CIMIP5: variants seen among roughly 807,000 people sequenced by gnomAD.
CIMIP5 encodes the protein ciliary microtubule inner protein 5.
chr2:11,154,102 G>T, the CIMIP5 span, among the ~76,000 whole-genome samples: 41 of 152,038 alleles, frequency 2.7e-4, no homozygotes, highest in African/African-American at 9.9e-4. Context: ...TCAGCCTCCC[G>T]AGTAGCTGGG....
the CIMIP5 span, among the ~76,000 whole-genome samples, chr2:11,147,556 A>G: frequency 1.1e-4 from 16 of 152,072 alleles, no homozygotes; most frequent in African/African-American, 3.9e-4. Context: ...TTGCCTCCAC[A>G]CTTCAGGTTA....
At chr2:11,146,452 T>C in the CIMIP5 span, 3 of 152,250 alleles carry the variant, frequency 2.0e-5, no homozygotes, top group African/African-American at 7.2e-5. Context: ...AAAGAAAGTC[T>C]CTTGATTCTT....
the CIMIP5 span, among the ~76,000 whole-genome samples, chr2:11,141,290 G>A: frequency 1.3e-5 from 2 of 151,966 alleles, no homozygotes; most frequent in Admixed American, 6.6e-5. Context: ...CACCATGCCT[G>A]GCTAATATTT....
At chr2:11,134,744 T>A in the CIMIP5 span, among the ~76,000 whole-genome samples, 1 of 152,248 alleles carries the variant, frequency 6.6e-6, no homozygotes, top group Admixed American at 6.5e-5. Flanking sequence ...GACTATTATG[T>A]GTAGTGCTAC....
At chr2:11,136,707 A>C in the CIMIP5 span, among the ~76,000 whole-genome samples, 1 of 152,188 alleles carries the variant, frequency 6.6e-6, no homozygotes, top group East Asian at 1.9e-4. Context: ...AACTCCGTGA[A>C]TATATTAAAA....
chr2:11,152,444 GGTCA>G, the CIMIP5 span, among the ~76,000 whole-genome samples: 24 of 152,254 alleles, frequency 1.6e-4, no homozygotes, highest in African/African-American at 4.3e-4. Flanking sequence ...AGCAAGATGG[GGTCA>G]GTTAGGTCTG....
At chr2:11,134,266 G>A in the CIMIP5 span, among the ~76,000 whole-genome samples, 1 of 152,208 alleles carries the variant, frequency 6.6e-6, no homozygotes, top group Non-Finnish European at 1.5e-5. Flanking sequence ...TGAGGCACAG[G>A]GAGTGAGGAA....
chr2:11,144,199 C>A, the CIMIP5 span: 1 of 1,197,238 alleles, frequency 8.4e-7, no homozygotes, highest in South Asian at 1.8e-5. Context: ...CAGCTCCCCA[C>A]ACAAGGCAGC....
At chr2:11,136,629 T>G in the CIMIP5 span, among the ~76,000 whole-genome samples, 1 of 152,142 alleles carries the variant, frequency 6.6e-6, no homozygotes, top group Non-Finnish European at 1.5e-5. Context: ...GAGGACTGAC[T>G]GCAAATGGAC....
the CIMIP5 span, chr2:11,133,294 T>A: frequency 6.5e-7 from 1 of 1,530,112 alleles, no homozygotes; most frequent in Non-Finnish European, 8.6e-7. Flanking sequence ...TCTCTCTCTC[T>A]CTCTCTGACA....
At chr2:11,150,874 A>T in the CIMIP5 span, among the ~76,000 whole-genome samples, 16 of 142,992 alleles carry the variant, frequency 1.1e-4, no homozygotes, top group East Asian at 1.4e-3. Context: ...GCCAAGAATT[A>T]AAAAAAAAAA....
chr2:11,134,879 C>T, the CIMIP5 span, among the ~76,000 whole-genome samples: 1 of 152,142 alleles, frequency 6.6e-6, no homozygotes, highest in Non-Finnish European at 1.5e-5. Flanking sequence ...TTATTTGGCT[C>T]ACAGTTCTGC....
At chr2:11,152,372 T>C in the CIMIP5 span, among the ~76,000 whole-genome samples, 3 of 152,240 alleles carry the variant, frequency 2.0e-5, no homozygotes, top group African/African-American at 7.2e-5. Context: ...ATAAACTAAA[T>C]TCCTTCCCAA....
At chr2:11,136,613 G>A in the CIMIP5 span, among the ~76,000 whole-genome samples, 1 of 152,210 alleles carries the variant, frequency 6.6e-6, no homozygotes, top group Non-Finnish European at 1.5e-5. Context: ...AGGTGTTTTG[G>A]AGGATGAGGA....
the CIMIP5 span, chr2:11,143,883 C>T: frequency 2.7e-6 from 4 of 1,490,172 alleles, no homozygotes; most frequent in South Asian, 5.8e-5. Flanking sequence ...CTCCTTTTTC[C>T]ACGCTCTGTG....
chr2:11,133,181 G>A, the CIMIP5 span: 2 of 890,686 alleles, frequency 2.2e-6, no homozygotes, highest in South Asian at 2.3e-5. Context: ...CTCTGAGCTC[G>A]AGGCCTAAAG....
At chr2:11,150,471 G>T in the CIMIP5 span, among the ~76,000 whole-genome samples, 53,675 of 151,136 alleles carry the variant, frequency 0.36, 10,931 homozygotes, top group South Asian at 0.49. Context: ...TAGCTGGGAT[G>T]ACATGCACCT....
the CIMIP5 span, among the ~76,000 whole-genome samples, chr2:11,154,563 C>T: frequency 6.6e-6 from 1 of 152,248 alleles, no homozygotes; most frequent in South Asian, 2.1e-4. Context: ...AGGCGATTTT[C>T]AGAGGTTGGA....
At chr2:11,139,439 C>T in the CIMIP5 span, among the ~76,000 whole-genome samples, 1 of 152,126 alleles carries the variant, frequency 6.6e-6, no homozygotes, top group Non-Finnish European at 1.5e-5. Context: ...AATTGTTTGA[C>T]TTTTTAAGAT....
Sources: gnomAD v4.1 joint callset for allele counts (sites outside exome capture counted in the v4.1 genomes callset) on GRCh38, gnomAD v4.1.1 for gene constraint, MANE v1.5 for transcripts, NCBI Gene and HGNC (gene_info 2026-07-23, HGNC 2026-07-21) for gene names.